MTSS1: variants seen among roughly 807,000 people sequenced by gnomAD.
MTSS1 encodes MTSS I-BAR domain containing 1.
A neutral mutation model predicts 79.0 loss-of-function variants in MTSS1; 18 were observed. That is an observed-to-expected ratio of 0.23 (90% CI 0.16 to 0.34). MTSS1 has a LOEUF of 0.34. MTSS1 is among the 10% of genes least tolerant of loss of function. The probability of loss-of-function intolerance (pLI) is 1.00; values close to 1 mark genes in which losing one functional copy is unlikely to be tolerated. For missense variants in MTSS1, 815 were observed against 986.2 expected, an observed-to-expected ratio of 0.83 and a Z score of 2.33; for synonymous variants, 341 against 368.6, an observed-to-expected ratio of 0.93 and a Z score of 0.86.
chr8:124,616,865 C>A (rs1344481451), intron 3 of MTSS1, among the ~76,000 whole-genome samples: 2 of 152,316 alleles, frequency 1.3e-5, no homozygotes, highest in East Asian at 3.9e-4. Context: ...ATCTTGATTG[C>A]TTTTTCATTT....
intron 3 of MTSS1, among the ~76,000 whole-genome samples, chr8:124,670,245 A>G (rs1823871486): frequency 6.6e-6 from 1 of 152,234 alleles, no homozygotes; most frequent in Non-Finnish European, 1.5e-5. Context: ...CCACACAAAG[A>G]TCTGCAGAAG....
intron 3 of MTSS1, among the ~76,000 whole-genome samples, chr8:124,658,029 G>A (rs1189183651): frequency 2.6e-5 from 4 of 152,174 alleles, no homozygotes; most frequent in African/African-American, 4.8e-5. Flanking sequence ...CCTCCACCAC[G>A]TGAGGATATA....
intron 7 of MTSS1, chr8:124,568,178 A>G: frequency 1.4e-6 from 1 of 702,192 alleles, no homozygotes; most frequent in Non-Finnish European, 2.2e-6. Flanking sequence ...AGTAACGGGG[A>G]ACAAGTGGTA....
chr8:124,708,162 T>A (rs999253234), intron 1 of MTSS1, among the ~76,000 whole-genome samples: 4 of 152,234 alleles, frequency 2.6e-5, no homozygotes, highest in African/African-American at 9.6e-5. Context: ...GGATTGAACC[T>A]TAGCTCTCCC....
chr8:124,643,152 C>T (rs1378706003), intron 3 of MTSS1, among the ~76,000 whole-genome samples: 2 of 152,116 alleles, frequency 1.3e-5, no homozygotes, highest in African/African-American at 2.4e-5. Context: ...TCCAAAGAAG[C>T]ATTTGGCAAT....
chr8:124,596,090 G>A (rs916062256), intron 3 of MTSS1, among the ~76,000 whole-genome samples: 11 of 152,350 alleles, frequency 7.2e-5, no homozygotes, highest in African/African-American at 2.2e-4. Context: ...GTGGACAGAA[G>A]AGAAAGGGCC....
Position 124,690,363 on chromosome 8 carries a change from A to G in MTSS1, c.208+9163T>C, listed in dbSNP as rs75082925. ...ACAATCCTGAGCAGGACAGACACACATGCTTGGGTGTGGAATTCTGATATC... is the reference window on the plus strand; with the variant it reads ...ACAATCCTGAGCAGGACAGACACACGTGCTTGGGTGTGGAATTCTGATATC... On this transcript the variant is annotated intron_variant, in intron 3 of 13. Transcript: ENST00000518547. Among the ~76,000 whole-genome samples the G allele has an allele frequency of 3.4e-4, 52 of 152,304 alleles. 3 individuals are homozygous for G. In the East Asian group the frequency reaches 0.01, roughly 29 times the overall value.
At chr8:124,598,709 T>A (rs1442438808) in intron 3 of MTSS1, among the ~76,000 whole-genome samples, 1 of 152,192 alleles carries the variant, frequency 6.6e-6, no homozygotes, top group Non-Finnish European at 1.5e-5. Flanking sequence ...AACACACAAC[T>A]GACATTCCCC....
intron 3 of MTSS1, among the ~76,000 whole-genome samples, chr8:124,660,358 G>A (rs1169501001): frequency 6.6e-6 from 1 of 151,814 alleles, no homozygotes; most frequent in Non-Finnish European, 1.5e-5. Flanking sequence ...AGGGAGGGTG[G>A]GGGCAAGGAA....
At chr8:124,668,674 G>A (rs145316364) in intron 3 of MTSS1, among the ~76,000 whole-genome samples, 143 of 152,258 alleles carry the variant, frequency 9.4e-4, no homozygotes, top group African/African-American at 3.0e-3. Context: ...AAGATGAAAC[G>A]GCATCAGCAG....
intron 1 of MTSS1, among the ~76,000 whole-genome samples, chr8:124,721,617 C>T (rs1424149799): frequency 6.6e-6 from 1 of 151,928 alleles, no homozygotes; most frequent in Admixed American, 6.6e-5. Context: ...ACCATGTTGG[C>T]CAGGCTCGTC....
At position 124,728,271 on chromosome 8, in the gene MTSS1, T is replaced by C. The variant is rs1415281915; in HGVS notation, c.-316A>G. 8.3e-6 allele frequency: 2 copies of C among 240,706 alleles called. No individual in the cohort carries two copies. The highest frequency in any genetic ancestry group is 7.9e-5 in the East Asian group (1 of 12,690). The allele number at this position is 240,706 out of a possible 1,614,324, so 14.9% of individuals were successfully genotyped here. The stretch of plus-strand genomic sequence containing the variant: ...CACTACGGAAACGGCAAAGCCCATC[T>C]TGATGCAGAGAAAATCGCCCGCTGA... On this transcript the variant is annotated 5_prime_UTR_variant, in exon 1 of 14. Coordinates refer to ENST00000518547, the MANE Select transcript of MTSS1 (RefSeq NM_014751.6). This position sits in a 1 kb window ranked among gnomAD's most constrained non-coding sequence, Gnocchi z 6.1.
chr8:124,627,673 C>G (rs1055968528), intron 3 of MTSS1, among the ~76,000 whole-genome samples: 3 of 151,912 alleles, frequency 2.0e-5, no homozygotes, highest in African/African-American at 7.3e-5. Flanking sequence ...CCAGGGGTGG[C>G]GGGGGGGTCC....
intron 3 of MTSS1, among the ~76,000 whole-genome samples, chr8:124,658,869 T>C (rs1821481494): frequency 6.6e-6 from 1 of 152,228 alleles, no homozygotes; most frequent in South Asian, 2.1e-4. Context: ...CAGATCATAT[T>C]AGCCAGCACC....
At chr8:124,701,270 G>T (rs777800894) in intron 2 of MTSS1, among the ~76,000 whole-genome samples, 1 of 152,040 alleles carries the variant, frequency 6.6e-6, no homozygotes, top group Non-Finnish European at 1.5e-5. Context: ...GAAAGAAAAA[G>T]GGAAAGGAAT....
rs568690346 is a variant in MTSS1, at chr8:124,626,230, C to T, written c.209-34995G>A. Among the ~76,000 whole-genome samples the T allele has an allele frequency of 3.9e-5, 6 of 152,358 alleles. No homozygotes were observed. The South Asian group carries it at 1.0e-3, about 26-fold the overall frequency. ...CCAGGAGTGGAATTATTTCTCACCACACTGAGCCATTCTAGTGTTTCGTCA... is the reference window on the plus strand; with the variant it reads ...CCAGGAGTGGAATTATTTCTCACCATACTGAGCCATTCTAGTGTTTCGTCA... On this transcript the variant is annotated intron_variant, in intron 3 of 13. Coordinates refer to ENST00000518547, the MANE Select transcript of MTSS1 (RefSeq NM_014751.6).
chr8:124,647,614 G>A (rs1254423350), intron 3 of MTSS1, among the ~76,000 whole-genome samples: 4 of 149,294 alleles, frequency 2.7e-5, no homozygotes, highest in Non-Finnish European at 5.9e-5. Context: ...TAAAAAAAAA[G>A]ATGTGTGGCA....
chr8:124,556,163 G>A lies in MTSS1; in HGVS notation c.1404+69C>T, dbSNP rs1415406105. On this transcript the variant is annotated intron_variant, in intron 12 of 13. Transcript: ENST00000518547. ...GCAAGGCTGCCTTGGCCCCCCAGTT[G>A]CTGGCCAGAATGTGATCCCCAGCCA... The A allele has an allele frequency of 5.0e-6, 8 of 1,607,024 alleles. No individual in the cohort carries two copies. In the East Asian group the frequency reaches 1.8e-4, roughly 36 times the overall value.
chr8:124,669,193 G>T (rs1823669592), intron 3 of MTSS1, among the ~76,000 whole-genome samples: 1 of 152,188 alleles, frequency 6.6e-6, no homozygotes, highest in Non-Finnish European at 1.5e-5. Flanking sequence ...GAAGATTTCA[G>T]CCCCACGGTT....
Sources: gnomAD v4.1 joint callset for allele counts (sites outside exome capture counted in the v4.1 genomes callset) on GRCh38, gnomAD v4.1.1 for gene constraint, Gnocchi (gnomAD v3.1) non-coding constraint, MANE v1.5 for transcripts, NCBI Gene and HGNC (gene_info 2026-07-23, HGNC 2026-07-21) for gene names.